Variants in FREM3 observed in about 807,000 individuals in gnomAD.
FREM3 encodes the protein FRAS1 related extracellular matrix 3.
Under a neutral mutation model 129.1 loss-of-function variants are expected in FREM3, and 105 were observed. That is an observed-to-expected ratio of 0.81 (90% CI 0.69 to 0.96). The LOEUF is 0.96. FREM3 is among the 40% of genes least tolerant of loss of function. FREM3 has a pLI of 0.00. For synonymous variants in FREM3, 1,014 were observed against 1,044.9 expected (o/e 0.97, Z 0.57); for missense variants, 2,593 against 2,666.3 (o/e 0.97, Z 0.61).
At chr4:143,624,517 G>C (rs768519812) in intron 3 of FREM3, among the ~76,000 whole-genome samples, 179 bp from the exon 4 acceptor site, 1 of 152,138 alleles carries the variant, frequency 6.6e-6, no homozygotes, top group Non-Finnish European at 1.5e-5. Context: ...AAGCAGAATT[G>C]AATAGAATTG....
rs1391215782 is a variant in FREM3, at chr4:143,694,643, G to T, written c.5185+848C>A. ...TTGTGATTGCATTCTTTCTTTTTTT[G>T]TTGTTGTTATACTTTAAGTTCTGGG... On this transcript the variant is annotated intron_variant, in intron 1 of 7. Transcript: ENST00000329798. Among the ~76,000 whole-genome samples the T allele has an allele frequency of 3.3e-5, 5 of 150,018 alleles. 1 individual carries two copies. The highest frequency in any genetic ancestry group is 5.9e-5 in the Non-Finnish European group (4 of 67,850).
At chr4:143,642,916 AAC>A (rs1739346760) in intron 2 of FREM3, among the ~76,000 whole-genome samples, 1 of 152,204 alleles carries the variant, frequency 6.6e-6, no homozygotes, top group South Asian at 2.1e-4. Flanking sequence ...ACAGCAAAAA[AAC>A]ACAAACAAAC....
intron 1 of FREM3, 36 bp from the exon 2 acceptor site, chr4:143,693,238 G>T: frequency 9.1e-7 from 1 of 1,103,418 alleles, no homozygotes; most frequent in Non-Finnish European, 1.3e-6. Flanking sequence ...AAGTCATATT[G>T]GCACAAATGA....
chr4:143,658,714 T>G (rs1051392865), intron 2 of FREM3, among the ~76,000 whole-genome samples: 1 of 152,254 alleles, frequency 6.6e-6, no homozygotes, highest in Non-Finnish European at 1.5e-5. Flanking sequence ...GAGAATTTCT[T>G]TTAAGCTCAT....
intron 6 of FREM3, among the ~76,000 whole-genome samples, chr4:143,606,352 A>G (rs1424270128): frequency 6.7e-6 from 1 of 148,756 alleles, no homozygotes; most frequent in Non-Finnish European, 1.5e-5. Context: ...TGAGATTACT[A>G]TATTATGGAA....
intron 2 of FREM3, among the ~76,000 whole-genome samples, chr4:143,662,211 C>G (rs571396782): frequency 6.6e-6 from 1 of 152,160 alleles, no homozygotes; most frequent in Non-Finnish European, 1.5e-5. Context: ...TTCCTGCTTT[C>G]TCTTGTGGGC....
At chr4:143,656,209 C>G (rs1285952358) in intron 2 of FREM3, among the ~76,000 whole-genome samples, 3 of 152,104 alleles carry the variant, frequency 2.0e-5, no homozygotes, top group African/African-American at 7.2e-5. Context: ...CCACTCATTA[C>G]TCCTCTTTCT....
chr4:143,631,717 G>A (rs1444290960), intron 2 of FREM3, among the ~76,000 whole-genome samples: 2 of 152,080 alleles, frequency 1.3e-5, no homozygotes, highest in Non-Finnish European at 2.9e-5. Flanking sequence ...TGGGAGAGAT[G>A]GGTAGAATTC....
chr4:143,583,973 T>A (rs1305291957), intron 7 of FREM3, among the ~76,000 whole-genome samples: 2 of 152,178 alleles, frequency 1.3e-5, no homozygotes, highest in Non-Finnish European at 2.9e-5. Context: ...TAACCTTGAA[T>A]GAAAACAGGC....
intron 6 of FREM3, among the ~76,000 whole-genome samples, chr4:143,594,765 T>C (rs1304034066): frequency 6.6e-6 from 1 of 152,146 alleles, no homozygotes; most frequent in Non-Finnish European, 1.5e-5. Context: ...TGTCATGAAA[T>C]TCTTTCTAGA....
chr4:143,597,641 A>C (rs961345058), intron 6 of FREM3, among the ~76,000 whole-genome samples: 4 of 152,236 alleles, frequency 2.6e-5, no homozygotes, highest in Non-Finnish European at 4.4e-5. Context: ...ATCTGAAAAG[A>C]AAATTAGGAA....
In FREM3 at chr4:143,611,444, A is replaced by G. The variant is rs1273605703; in HGVS notation, c.5863T>C (p.Phe1955Leu). The G allele has an allele frequency of 1.3e-6, 2 of 1,537,078 alleles. No individual in the cohort carries two copies. Among genetic ancestry groups the G allele is most frequent in the Non-Finnish European group, 1.7e-6 (2 of 1,146,846 alleles). Residue 1955 changes from phenylalanine to leucine, a missense_variant, in exon 6 of 8, where the codon TTT becomes CTT. By Grantham distance (22) the Phe-to-Leu change is conservative. This residue lies in a region of FREM3 where 317 missense variants were observed against 399.0 expected (regional missense o/e 0.79). Transcript: ENST00000329798. ...RPEDHTSILHFDKNETQKTCQ... is the reference protein window; with the variant it reads ...RPEDHTSILHLDKNETQKTCQ... ...GTCTTCTGTGTCTCATTCTTGTCAAAGTGGAGGATGCTGGTGTGGTCTTCT... is the reference window on the plus strand; with the variant it reads ...GTCTTCTGTGTCTCATTCTTGTCAAGGTGGAGGATGCTGGTGTGGTCTTCT...
chr4:143,673,568 G>A (rs138314973), intron 2 of FREM3, among the ~76,000 whole-genome samples: 11,067 of 152,212 alleles, frequency 0.073, 1,067 homozygotes, highest in African/African-American at 0.21. Context: ...CAGTCTGTCC[G>A]TTCTCAGATC....
At chr4:143,655,091 A>C (rs1304154650) in intron 2 of FREM3, among the ~76,000 whole-genome samples, 1 of 152,132 alleles carries the variant, frequency 6.6e-6, no homozygotes. Flanking sequence ...GGTGCAAGGC[A>C]GCAGAAAGGA....
rs781179230 is a variant in FREM3 at position 143,699,670 on chromosome 4, C to T, written c.1006G>A (p.Glu336Lys). The change falls in exon 1 of 8, where the codon GAG (glutamate) becomes AAG (lysine). Residue 336 changes from glutamate to lysine, a missense_variant. Glu to Lys is a moderately conservative substitution (Grantham distance 56). Transcript: ENST00000329798. This position sits in a 1 kb window ranked among gnomAD's most constrained non-coding sequence, Gnocchi z 4.2. ...AACACCAGGTCACCAGGGTCTGACT[C>T]GACGTCCTCCGCGGCCAGTGCGTCA... ...TPDALAAEDV[E>K]SDPGDLVFNI... The T allele has an allele frequency of 3.9e-6, 6 of 1,528,346 alleles. No homozygotes were observed. The African/African-American group carries it at 5.5e-5, about 14-fold the overall frequency. The allele number at this position is 1,528,346 out of a possible 1,614,324, so 94.7% of individuals were successfully genotyped here.
chr4:143,674,459 G>C (rs893810658), intron 2 of FREM3, among the ~76,000 whole-genome samples: 1 of 152,080 alleles, frequency 6.6e-6, no homozygotes, highest in Non-Finnish European at 1.5e-5. Context: ...AAAGACCATT[G>C]ATGCTAGAAA....
intron 2 of FREM3, among the ~76,000 whole-genome samples, chr4:143,638,202 G>T (rs986671646): frequency 1.3e-5 from 2 of 151,952 alleles, no homozygotes; most frequent in Non-Finnish European, 2.9e-5. Flanking sequence ...GCCTCAACAG[G>T]GACACCACAT....
intron 2 of FREM3, among the ~76,000 whole-genome samples, chr4:143,662,496 C>G (rs532081257): frequency 6.7e-6 from 1 of 149,666 alleles, no homozygotes; most frequent in East Asian, 2.0e-4. Flanking sequence ...CTGAGGAGAG[C>G]TTTACTTCCA....
chr4:143,600,573 T>A (rs949312750), intron 6 of FREM3, among the ~76,000 whole-genome samples: 6 of 152,202 alleles, frequency 3.9e-5, no homozygotes, highest in African/African-American at 1.4e-4. Context: ...GCAGTTGCCA[T>A]TTAAACTATA....
Sources: gnomAD v4.1 joint callset for allele counts (sites outside exome capture counted in the v4.1 genomes callset) on GRCh38, gnomAD v4.1.1 for gene constraint, gnomAD v4.1.1 regional missense constraint, Gnocchi (gnomAD v3.1) non-coding constraint, MANE v1.5 for transcripts, NCBI Gene and HGNC (gene_info 2026-07-23, HGNC 2026-07-21) for gene names.